The following ACSM1 variants were observed in gnomAD, a reference collection of about 807,000 sequenced individuals.
ACSM1 encodes the protein acyl-coenzyme A synthetase ACSM1, mitochondrial.
ACSM1 carries 79 observed loss-of-function variants against 75.8 expected under a neutral mutation model. The observed-to-expected ratio is 1.04, with a 90% confidence interval of 0.87 to 1.26. The LOEUF is 1.26. Ranked by LOEUF, ACSM1 falls within the 50% of genes most tolerant of loss-of-function variation. The pLI is 0.00. For synonymous variants in ACSM1, 279 were observed against 265.8 expected (o/e 1.05, Z -0.48); for missense variants, 676 against 720.1 (o/e 0.94, Z 0.70).
intron 10 of ACSM1, among the ~76,000 whole-genome samples, chr16:20,632,122 T>C (rs905008760): frequency 4.6e-5 from 7 of 152,136 alleles, no homozygotes; most frequent in Non-Finnish European, 8.8e-5. Flanking sequence ...AAACATTCAG[T>C]CTTTAGCACA....
At chr16:20,669,475 C>T (rs1463704600) in intron 6 of ACSM1, among the ~76,000 whole-genome samples, 1 of 151,402 alleles carries the variant, frequency 6.6e-6, no homozygotes, top group Non-Finnish European at 1.5e-5. Flanking sequence ...CACACACACA[C>T]ACACACACCC....
chr16:20,694,763 C>T (rs1388549353), intron 1 of ACSM1, among the ~76,000 whole-genome samples: 1 of 152,122 alleles, frequency 6.6e-6, no homozygotes, highest in Non-Finnish European at 1.5e-5. Context: ...TTTCAGAACA[C>T]CACTGTATTT....
intron 4 of ACSM1, chr16:20,681,186 C>T (rs2079439319): frequency 6.6e-6 from 1 of 152,118 alleles, no homozygotes; most frequent in African/African-American, 2.4e-5. Context: ...GAAATTATAA[C>T]CAATGAAACA....
chr16:20,653,368 A>G (rs1294306719), intron 7 of ACSM1, among the ~76,000 whole-genome samples: 6 of 152,006 alleles, frequency 3.9e-5, no homozygotes, highest in Non-Finnish European at 5.9e-5. Context: ...CTCTCTTACC[A>G]CTCCTATTCA....
At chr16:20,678,004 A>T (rs1003534518) in intron 4 of ACSM1, among the ~76,000 whole-genome samples, 3 of 150,878 alleles carry the variant, frequency 2.0e-5, no homozygotes, top group Admixed American at 6.6e-5. Flanking sequence ...GAAGAATACT[A>T]AAGGCTAAAA....
chr16:20,656,605 T>C (rs1299762713), intron 7 of ACSM1, among the ~76,000 whole-genome samples: 3 of 152,210 alleles, frequency 2.0e-5, no homozygotes, highest in Non-Finnish European at 4.4e-5. Context: ...AGTTGCTTTA[T>C]AATGAAGGAT....
chr16:20,626,397 C>G (rs1405924456), intron 11 of ACSM1, among the ~76,000 whole-genome samples: 1 of 151,770 alleles, frequency 6.6e-6, no homozygotes, highest in Non-Finnish European at 1.5e-5. Flanking sequence ...AAAATGCCAT[C>G]AATTTCTCTA....
intron 1 of ACSM1, among the ~76,000 whole-genome samples, chr16:20,691,441 C>G (rs1316024541): frequency 6.6e-6 from 1 of 152,176 alleles, no homozygotes; most frequent in Non-Finnish European, 1.5e-5. Flanking sequence ...GGTTATATAG[C>G]TACTATTATG....
chr16:20,654,587 G>A (rs1181729297), intron 7 of ACSM1, among the ~76,000 whole-genome samples: 11 of 152,218 alleles, frequency 7.2e-5, no homozygotes, highest in South Asian at 2.1e-4. Flanking sequence ...AAAAGTGGGC[G>A]AAGGATATGA....
rs1852759594 is a variant in ACSM1 at position 20,682,362 on chromosome 16, C to T, written c.505G>A (p.Ala169Thr). ...GAAGCTATGGAGTCCACCTCTGAGG[C>T]AAGGGCATCTATGGTCACAATGCCC... is the stretch of plus-strand genomic sequence containing the variant. ...AKGIVTIDAL[A>T]SEVDSIASQC... The change falls in exon 4 of 14, where the codon GCC (alanine) becomes ACC (threonine). Residue 169 changes from alanine (A) to threonine (T), a missense_variant. By Grantham distance (58) the Ala-to-Thr change is moderately conservative. Transcript: ENST00000520010. The T allele has an allele frequency of 6.2e-7, 1 of 1,614,056 alleles. No individual in the cohort carries two copies. The highest frequency in any genetic ancestry group is 8.5e-7 in the Non-Finnish European group (1 of 1,179,964).
At chr16:20,689,881 C>G (rs994901308) in intron 2 of ACSM1, among the ~76,000 whole-genome samples, 6 of 152,098 alleles carry the variant, frequency 3.9e-5, no homozygotes, top group Non-Finnish European at 8.8e-5. Flanking sequence ...AATCAGACAG[C>G]CTGGACCCAA....
chr16:20,668,673 G>A (rs2019709936), intron 6 of ACSM1, among the ~76,000 whole-genome samples: 1 of 152,128 alleles, frequency 6.6e-6, no homozygotes, highest in African/African-American at 2.4e-5. Flanking sequence ...AAAAATGGAG[G>A]TGAAGGAAAT....
At chr16:20,685,858 T>C (rs959221868) in intron 2 of ACSM1, among the ~76,000 whole-genome samples, 10 of 141,126 alleles carry the variant, frequency 7.1e-5, no homozygotes, top group South Asian at 2.3e-4. Context: ...AAAAAACTTA[T>C]AGCATCAGGA....
chr16:20,685,607 G>A (rs1567310648), intron 2 of ACSM1, among the ~76,000 whole-genome samples: 1 of 151,856 alleles, frequency 6.6e-6, no homozygotes, highest in Non-Finnish European at 1.5e-5. Context: ...TGATCATGAG[G>A]TCAGGAGTTC....
At chr16:20,643,323 G>A (rs776046809) in intron 7 of ACSM1, among the ~76,000 whole-genome samples, 32 of 152,344 alleles carry the variant, frequency 2.1e-4, no homozygotes, top group African/African-American at 6.0e-4. Context: ...AAATGGGTCC[G>A]ATGGTGCTCA....
chr16:20,628,292 C>T (rs1282399754), intron 10 of ACSM1, among the ~76,000 whole-genome samples: 1 of 152,026 alleles, frequency 6.6e-6, no homozygotes, highest in Non-Finnish European at 1.5e-5. Context: ...TTCAGATGTC[C>T]CATTTCACTT....
rs1313881717 is a variant in ACSM1 at position 20,636,788 on chromosome 16, C to T, written c.1250G>A (p.Gly417Asp). The T allele has an allele frequency of 1.9e-6, 3 of 1,614,028 alleles. No homozygotes were observed. Among genetic ancestry groups the T allele is most frequent in the Non-Finnish European group, 2.5e-6 (3 of 1,180,010 alleles). The change falls in exon 10 of 14, where the codon GGC becomes GAC. Residue 417 changes from glycine to aspartate, a missense_variant. By Grantham distance (94) the Gly-to-Asp change is moderately conservative (BLOSUM62 -1). Transcript: ENST00000520010. ...AGGCCTGACAGGTTTGATTCTGATGCCAATGTTTCCTTCTGTGTTAGGTGG... is the reference window on the plus strand; with the variant it reads ...AGGCCTGACAGGTTTGATTCTGATGTCAATGTTTCCTTCTGTGTTAGGTGG... ...ILPPNTEGNI[G>D]IRIKPVRPVS...
At chr16:20,663,917 G>A (rs1297376132) in intron 6 of ACSM1, among the ~76,000 whole-genome samples, 1 of 152,096 alleles carries the variant, frequency 6.6e-6, no homozygotes, top group Non-Finnish European at 1.5e-5. Flanking sequence ...GACATCATAG[G>A]TGTCTAAGGC....
At chr16:20,663,543 C>T (rs964175226) in intron 6 of ACSM1, among the ~76,000 whole-genome samples, 2 of 152,134 alleles carry the variant, frequency 1.3e-5, no homozygotes, top group African/African-American at 4.8e-5. Flanking sequence ...CCCCAACATT[C>T]TGGACCACTC....
Sources: gnomAD v4.1 joint callset for allele counts (sites outside exome capture counted in the v4.1 genomes callset) on GRCh38, gnomAD v4.1.1 for gene constraint, MANE v1.5 for transcripts, NCBI Gene and HGNC (gene_info 2026-07-23, HGNC 2026-07-21) for gene names.